The following ABCB7 variants were observed in gnomAD, a reference collection of about 807,000 sequenced individuals.
ABCB7 encodes ATP binding cassette subfamily B member 7.
A neutral mutation model predicts 54.4 loss-of-function variants in ABCB7; 7 were observed. The ratio of observed to expected loss-of-function variants is 0.13; its 90% CI spans 0.07 to 0.24. ABCB7 has a LOEUF of 0.24. Ranked by LOEUF, ABCB7 falls within the 10% of genes least tolerant of loss-of-function variation. The pLI, the probability that ABCB7 is intolerant of heterozygous loss-of-function variation, is 1.00. For missense variants in ABCB7, 356 were observed against 570.4 expected (o/e 0.62, Z 3.83); for synonymous variants, 218 against 207.1 (o/e 1.05, Z -0.45).
chrX:75,105,740 T>C (rs928268561), intron 3 of ABCB7, among the ~76,000 whole-genome samples: 2 of 111,943 alleles, frequency 1.8e-5, no homozygotes, highest in Middle Eastern at 4.6e-3. Context: ...AGGTACCACA[T>C]TATCTGACTT....
chrX:75,138,956 C>T (rs1479429299), intron 1 of ABCB7, among the ~76,000 whole-genome samples: 1 of 101,660 alleles, frequency 9.8e-6, no homozygotes, highest in Non-Finnish European at 2.0e-5. Flanking sequence ...TGCAGTGAGC[C>T]GAGATAGAGC....
intron 8 of ABCB7, 61 bp downstream of exon 8, chrX:75,073,628 A>G: frequency 1.1e-6 from 1 of 904,485 alleles, no homozygotes; most frequent in Non-Finnish European, 1.6e-6. Flanking sequence ...ATTAAATTAA[A>G]TGGTAGATCA....
rs145790469 is a variant in ABCB7, at chrX:75,120,302, A to G, written c.169-5471T>C. Among the ~76,000 whole-genome samples, 1,083 of 112,404 alleles carry G rather than the reference A, an allele frequency of 9.6e-3. 6 individuals carry two copies. Among genetic ancestry groups the G allele is most frequent in the Non-Finnish European group, 0.015 (788 of 53,312 alleles). On this transcript the variant is annotated intron_variant, in intron 1 of 15. Coordinates refer to ENST00000373394, the MANE Select transcript of ABCB7 (RefSeq NM_001271696.3). The stretch of plus-strand genomic sequence containing the variant: ...AATTTATGGAAATATAGTAATTTGC[A>G]TAAGTGCAATAAGAAACTGTTTTCT...
At chrX:75,121,072 T>C (rs1325786583) in intron 1 of ABCB7, among the ~76,000 whole-genome samples, 1 of 110,207 alleles carries the variant, frequency 9.1e-6, no homozygotes, top group Admixed American at 9.6e-5. Flanking sequence ...GCGGATCACT[T>C]GGGGTCAGGA....
intron 1 of ABCB7, among the ~76,000 whole-genome samples, chrX:75,149,186 A>G (rs1265013380): frequency 2.7e-5 from 3 of 111,868 alleles, no homozygotes; most frequent in Non-Finnish European, 5.6e-5. Context: ...ATTGTAAAGA[A>G]AACTTAATCA....
rs137865845 is a variant in ABCB7 at position 75,117,503 on chromosome X, A to G, written c.169-2672T>C. Among the ~76,000 whole-genome samples the G allele has an allele frequency of 3.2e-3, 350 of 110,810 alleles. 2 individuals are homozygous for G. The highest frequency in any genetic ancestry group is 0.011 in the African/African-American group (334 of 30,503). On this transcript the variant is annotated intron_variant, in intron 1 of 15. Coordinates refer to ENST00000373394, the MANE Select transcript of ABCB7 (RefSeq NM_001271696.3). ...TCTCAATAAAAAGCAAGGACACTTG[A>G]ATGACCTTGGGTTCGAGGCCCAACT...
At chrX:75,072,894 A>G (rs987917677) in intron 8 of ABCB7, among the ~76,000 whole-genome samples, 2 of 109,297 alleles carry the variant, frequency 1.8e-5, no homozygotes, top group African/African-American at 6.6e-5. Flanking sequence ...TTCTTTCTTC[A>G]TATCCTTATT....
Position 75,156,079 on chromosome X carries a change from A to G in ABCB7, c.168+26T>C, listed in dbSNP as rs377465008. ...TACAGGTCCCCTTGCCCTTCACCCT[A>G]TTCTTCCATGTCAGTGGCATCTCAC... On this transcript the variant is annotated intron_variant, in intron 1 of 15. Coordinates refer to ENST00000373394, the MANE Select transcript of ABCB7 (RefSeq NM_001271696.3). 173 of 1,206,532 alleles carry G rather than the reference A, an allele frequency of 1.4e-4. 1 individual carries two copies. The South Asian group carries it at 2.8e-3, about 20-fold the overall frequency.
intron 2 of ABCB7, 64 bp from the exon 3 acceptor site, chrX:75,113,036 G>A (rs2081776305): frequency 2.1e-6 from 2 of 973,446 alleles, no homozygotes; most frequent in Admixed American, 2.2e-5. Context: ...TTCACAATTT[G>A]GCTTGAACAG....
chrX:75,129,756 G>A (rs918770658), intron 1 of ABCB7, among the ~76,000 whole-genome samples: 7 of 109,642 alleles, frequency 6.4e-5, no homozygotes, highest in East Asian at 2.8e-4. Flanking sequence ...ACCACTTTTC[G>A]TATTTTTGTT....
chrX:75,117,391 TGCATATAC>T, intron 1 of ABCB7, among the ~76,000 whole-genome samples: 1 of 110,556 alleles, frequency 9.0e-6, no homozygotes, highest in Admixed American at 9.6e-5. Flanking sequence ...GTAGGTCGGG[TGCATATAC>T]GCAGGTAAAG....
chrX:75,144,301 G>A (rs2082076088), intron 1 of ABCB7, among the ~76,000 whole-genome samples: 1 of 111,786 alleles, frequency 8.9e-6, no homozygotes, highest in Admixed American at 9.5e-5. Flanking sequence ...TATTCTGTGT[G>A]GTGAAATATA....
chrX:75,099,663 G>A (rs2081622158), intron 3 of ABCB7, among the ~76,000 whole-genome samples: 2 of 110,455 alleles, frequency 1.8e-5, no homozygotes, highest in African/African-American at 6.6e-5. Flanking sequence ...TGTTCCTGAG[G>A]CAACATTCCC....
chrX:75,152,590 T>C (rs1209836636), intron 1 of ABCB7, among the ~76,000 whole-genome samples: 1 of 112,342 alleles, frequency 8.9e-6, no homozygotes, highest in Admixed American at 9.4e-5. Flanking sequence ...TCCACATCTT[T>C]GTATCATAAC....
chrX:75,059,314 C>A (rs1162771525), intron 15 of ABCB7, among the ~76,000 whole-genome samples: 1 of 109,538 alleles, frequency 9.1e-6, no homozygotes, highest in Non-Finnish European at 1.9e-5. Flanking sequence ...CCTATCTCTA[C>A]AAAAAATTAG....
chrX:75,126,925 C>T (rs1410861960), intron 1 of ABCB7, among the ~76,000 whole-genome samples: 1 of 111,009 alleles, frequency 9.0e-6, no homozygotes, highest in Non-Finnish European at 1.9e-5. Flanking sequence ...AATAGCCTAC[C>T]AACCAAAAAA....
chrX:75,051,253 T>C lies in ABCB7; in HGVS notation c.*2117A>G, dbSNP rs1009763983. Among the ~76,000 whole-genome samples the C allele has an allele frequency of 2.7e-5, 3 of 110,995 alleles. No homozygotes were observed. The highest frequency in any genetic ancestry group is 7.6e-4 in the South Asian group (2 of 2,633). On this transcript the variant is annotated 3_prime_UTR_variant, in exon 16 of 16. Transcript: ENST00000373394. ...TACTCTGGCAGCAAAGACTACGAAA[T>C]ACTGGTTTCATGTTACTTATCAAAT...
intron 4 of ABCB7, among the ~76,000 whole-genome samples, chrX:75,080,916 G>A (rs2081450311): frequency 1.8e-5 from 2 of 110,495 alleles, no homozygotes; most frequent in African/African-American, 3.3e-5. Flanking sequence ...AAATATTTTC[G>A]CCCAGTCTAC....
chrX:75,139,809 T>G (rs1006899500), intron 1 of ABCB7, among the ~76,000 whole-genome samples: 1 of 112,008 alleles, frequency 8.9e-6, no homozygotes, highest in Non-Finnish European at 1.9e-5. Flanking sequence ...TATAAGCTTT[T>G]AATCTGTAAG....
Sources: gnomAD v4.1 joint callset for allele counts (sites outside exome capture counted in the v4.1 genomes callset) on GRCh38, gnomAD v4.1.1 for gene constraint, MANE v1.5 for transcripts, NCBI Gene and HGNC (gene_info 2026-07-23, HGNC 2026-07-21) for gene names.